The following ULK4 variants were observed in gnomAD, a reference collection of about 807,000 sequenced individuals.
The protein encoded by ULK4 is inactive serine/threonine-protein kinase ULK4.
In ULK4, 133 loss-of-function variants were observed where a neutral mutation model predicts 160.6. The ratio of observed to expected loss-of-function variants is 0.83; its 90% CI spans 0.72 to 0.96. The LOEUF (loss-of-function observed/expected upper bound fraction) is 0.96, where lower values mean the gene tolerates loss of function less well. Among genes scored for constraint, ULK4 ranks in the 40% least tolerant of loss-of-function variants. The pLI is 0.00. For missense variants in ULK4, 1,580 were observed against 1,499.5 expected (o/e 1.05, Z -0.89); for synonymous variants, 534 against 539.8 (o/e 0.99, Z 0.15).
chr3:41,408,391 G>A (rs149626765), intron 34 of ULK4, among the ~76,000 whole-genome samples: 1,504 of 128,978 alleles, frequency 0.012, 33 homozygotes, highest in African/African-American at 0.044. Flanking sequence ...TCGCACCACT[G>A]CACTCCAGCC....
chr3:41,774,109 C>T (rs1360129840), intron 21 of ULK4, among the ~76,000 whole-genome samples: 10 of 152,086 alleles, frequency 6.6e-5, no homozygotes, highest in Admixed American at 5.9e-4. Flanking sequence ...GACCTAAAAC[C>T]ATAAAGAGCC....
chr3:41,703,485 C>G (rs189527702), intron 27 of ULK4, among the ~76,000 whole-genome samples: 83 of 151,698 alleles, frequency 5.5e-4, no homozygotes, highest in African/African-American at 1.9e-3. Flanking sequence ...ACTATATATA[C>G]CAAAACTTGT....
At chr3:41,579,557 G>A (rs1040086421) in intron 31 of ULK4, among the ~76,000 whole-genome samples, 3 of 138,862 alleles carry the variant, frequency 2.2e-5, no homozygotes, top group Non-Finnish European at 4.5e-5. Flanking sequence ...GCAGTGGCGC[G>A]ATCTCGACTC....
At chr3:41,482,784 G>A (rs2084373670) in intron 32 of ULK4, among the ~76,000 whole-genome samples, 1 of 152,136 alleles carries the variant, frequency 6.6e-6, no homozygotes, top group African/African-American at 2.4e-5. Context: ...CTGCAGACAA[G>A]TACTTTCAAT....
intron 16 of ULK4, 123 bp from the exon 17 acceptor site, chr3:41,884,075 T>C: frequency 1.4e-6 from 1 of 728,636 alleles, no homozygotes; most frequent in Non-Finnish European, 2.4e-6. Context: ...AAATTGAATG[T>C]GACAGGTCAG....
intron 25 of ULK4, among the ~76,000 whole-genome samples, chr3:41,708,845 TA>T (rs1378677738): frequency 2.6e-5 from 4 of 152,202 alleles, no homozygotes; most frequent in African/African-American, 9.7e-5. Flanking sequence ...TTGTACACAA[TA>T]AATGTATACA....
At chr3:41,629,838 A>T (rs3042223) in intron 30 of ULK4, among the ~76,000 whole-genome samples, 8,374 of 147,786 alleles carry the variant, frequency 0.057, 291 homozygotes, top group African/African-American at 0.094. Flanking sequence ...AAAAAAAAAA[A>T]ATATAAAAAT....
chr3:41,292,005 T>C (rs1193834856), intron 35 of ULK4, among the ~76,000 whole-genome samples: 2 of 151,890 alleles, frequency 1.3e-5, no homozygotes, highest in Non-Finnish European at 2.9e-5. Flanking sequence ...TATTTTTTTT[T>C]GTATTTTTTA....
At chr3:41,414,633 T>C (rs2082484852) in intron 34 of ULK4, among the ~76,000 whole-genome samples, 1 of 152,226 alleles carries the variant, frequency 6.6e-6, no homozygotes. Flanking sequence ...ACTTGAAGAA[T>C]AGACTCGTCT....
At chr3:41,957,173 G>T (rs1700509951) in intron 1 of ULK4, among the ~76,000 whole-genome samples, 1 of 152,146 alleles carries the variant, frequency 6.6e-6, no homozygotes, top group South Asian at 2.1e-4. Context: ...ATTCTTTCAG[G>T]CTGGGTGCAG....
In ULK4 at chr3:41,564,741, G is replaced by A. The variant is rs544936713; in HGVS notation, c.3226+1284C>T. Among the ~76,000 whole-genome samples the A allele has an allele frequency of 1.1e-4, 17 of 152,122 alleles. No individual in the cohort carries two copies. The South Asian group carries it at 2.7e-3, about 24-fold the overall frequency. Reference sequence around the variant, plus strand: ...CCCAAAGTGCTGGGATTACAAGCGTGAGCCACTGCACCCGGCCATAAAAGT... The same window carrying A: ...CCCAAAGTGCTGGGATTACAAGCGTAAGCCACTGCACCCGGCCATAAAAGT... On this transcript the variant is annotated intron_variant, in intron 32 of 36. Coordinates refer to ENST00000301831, the MANE Select transcript of ULK4 (RefSeq NM_017886.4).
chr3:41,927,443 C>T (rs1299147834), intron 5 of ULK4, among the ~76,000 whole-genome samples: 1 of 152,044 alleles, frequency 6.6e-6, no homozygotes, highest in Non-Finnish European at 1.5e-5. Flanking sequence ...CACCAACTAA[C>T]GGGCAAAATA....
intron 17 of ULK4, among the ~76,000 whole-genome samples, chr3:41,868,189 AT>A (rs1696966089): frequency 6.6e-6 from 1 of 152,172 alleles, no homozygotes; most frequent in Admixed American, 6.5e-5. Flanking sequence ...TATTTTAAAA[AT>A]ATCCAACAAT....
chr3:41,476,115 G>A (rs2084136095), intron 32 of ULK4, among the ~76,000 whole-genome samples: 1 of 151,892 alleles, frequency 6.6e-6, no homozygotes, highest in African/African-American at 2.4e-5. Context: ...TTAAACCTGG[G>A]TTTGCATAGG....
In ULK4 at chr3:41,918,529, A is replaced by C. The variant is rs1263484521; in HGVS notation, c.655T>G (p.Phe219Val). The C allele has an allele frequency of 6.4e-7, 1 of 1,573,770 alleles. No homozygotes were observed. The highest frequency in any genetic ancestry group is 8.6e-7 in the Non-Finnish European group (1 of 1,161,062). Residue 219 changes from phenylalanine (F) to valine (V), a missense_variant, in exon 7 of 37, where the codon TTC becomes GTC. Transcript: ENST00000301831. ...LYEMFSGKPP[F>V]FSESISELTE... is the part of the protein sequence containing the mutation. ...AATTCTGAAATACTTTCTGAGAAGA[A>C]TGGAGGTTTTCCTGAAATCACATGA...
intron 11 of ULK4, among the ~76,000 whole-genome samples, chr3:41,909,444 C>T (rs1275074629): frequency 6.6e-6 from 1 of 152,274 alleles, no homozygotes; most frequent in South Asian, 2.1e-4. Flanking sequence ...GGCACTGTGG[C>T]TCATGCCTGT....
chr3:41,614,820 C>T (rs2125681598), intron 31 of ULK4, among the ~76,000 whole-genome samples: 1 of 152,294 alleles, frequency 6.6e-6, no homozygotes, highest in Middle Eastern at 3.4e-3. Context: ...GTTGATTTCC[C>T]ATGTGTAGGG....
At chr3:41,608,586 T>C (rs1192751928) in intron 31 of ULK4, among the ~76,000 whole-genome samples, 3 of 152,254 alleles carry the variant, frequency 2.0e-5, no homozygotes, top group African/African-American at 7.2e-5. Context: ...TTGTTCCATC[T>C]ATCAAAGAAC....
rs112014388 is a variant in ULK4 at position 41,418,963 on chromosome 3, T to C, written c.3493-20699A>G. Among the ~76,000 whole-genome samples the C allele has an allele frequency of 6.5e-3, 987 of 152,284 alleles. 9 individuals are homozygous for C. The highest frequency in any genetic ancestry group is 0.023 in the African/African-American group (937 of 41,554). On this transcript the variant is annotated intron_variant, in intron 34 of 36. Transcript: ENST00000301831. ...AGAAGTGTTCTTTGGACAGACAGCC[T>C]ATGCAAGTGAGGGAAGGAGTCATGT...
Sources: allele counts gnomAD v4.1 joint callset (sites outside exome capture counted in the v4.1 genomes callset), GRCh38; gene constraint gnomAD v4.1.1; transcripts MANE v1.5; gene names NCBI Gene and HGNC (gene_info 2026-07-23, HGNC 2026-07-21).